PLPP1: variants seen among roughly 807,000 people sequenced by gnomAD.
PLPP1 encodes phospholipid phosphatase 1, also known as lipid phosphate phosphohydrolase 1a.
Under a neutral mutation model 31.2 loss-of-function variants are expected in PLPP1, and 24 were observed. That is an observed-to-expected ratio of 0.77 (90% confidence interval 0.56 to 1.08). The LOEUF (loss-of-function observed/expected upper bound fraction) is 1.08. Ranked by LOEUF, PLPP1 falls within the 50% of genes least tolerant of loss-of-function variation. The pLI is 0.00. For missense variants in PLPP1, 319 were observed against 342.7 expected, an observed-to-expected ratio of 0.93 and a Z score of 0.55; for synonymous variants, 146 against 126.3, an observed-to-expected ratio of 1.16 and a Z score of -1.05.
intron 1 of PLPP1, among the ~76,000 whole-genome samples, chr5:55,531,299 G>A (rs1025776801): frequency 1.3e-5 from 2 of 152,202 alleles, no homozygotes; most frequent in African/African-American, 2.4e-5. Flanking sequence ...CGTGTATATA[G>A]AGGAAGTCGT....
intron 1 of PLPP1, among the ~76,000 whole-genome samples, chr5:55,480,042 A>G (rs1370299059): frequency 6.6e-6 from 1 of 152,210 alleles, no homozygotes; most frequent in Non-Finnish European, 1.5e-5. Context: ...ACAGTGTACA[A>G]AAGTGTGGAG....
At chr5:55,431,430 A>G (rs1184968266) in intron 4 of PLPP1, among the ~76,000 whole-genome samples, 4 of 152,216 alleles carry the variant, frequency 2.6e-5, no homozygotes, top group Non-Finnish European at 1.5e-5. Context: ...CAGCCAAACT[A>G]TTCTCAGATC....
chr5:55,471,230 C>G (rs1752407428), intron 2 of PLPP1, among the ~76,000 whole-genome samples: 1 of 142,354 alleles, frequency 7.0e-6, no homozygotes, highest in Admixed American at 7.2e-5. Flanking sequence ...GAGACGGAGT[C>G]TTGCTCTGTC....
intron 1 of PLPP1, among the ~76,000 whole-genome samples, chr5:55,496,595 T>C (rs190987980): frequency 1.1e-4 from 16 of 152,358 alleles, no homozygotes; most frequent in African/African-American, 3.1e-4. Context: ...GAATACTTGT[T>C]TCATTTAATC....
intron 1 of PLPP1, among the ~76,000 whole-genome samples, chr5:55,514,065 G>A (rs1753501642): frequency 6.6e-6 from 1 of 152,018 alleles, no homozygotes; most frequent in Non-Finnish European, 1.5e-5. Flanking sequence ...AAAAAAATTC[G>A]AAAATCAAAA....
At chr5:55,523,484 G>T (rs1753717403) in intron 1 of PLPP1, among the ~76,000 whole-genome samples, 1 of 152,064 alleles carries the variant, frequency 6.6e-6, no homozygotes, top group African/African-American at 2.4e-5. Context: ...TAGCCAGGTT[G>T]CCTTGGGTGA....
chr5:55,485,935 C>T (rs1752767174), intron 1 of PLPP1, among the ~76,000 whole-genome samples: 1 of 152,098 alleles, frequency 6.6e-6, no homozygotes, highest in Non-Finnish European at 1.5e-5. Context: ...CCAACTAATT[C>T]TCTATATGAA....
At chr5:55,470,050 T>C (rs142566003) in intron 2 of PLPP1, among the ~76,000 whole-genome samples, 110 of 152,342 alleles carry the variant, frequency 7.2e-4, no homozygotes, top group African/African-American at 2.6e-3. Flanking sequence ...TTAGTCAGAT[T>C]CTTTTCTGAG....
At chr5:55,530,672 G>C in intron 1 of PLPP1, 1 of 1,599,276 alleles carries the variant, frequency 6.3e-7, no homozygotes, top group Non-Finnish European at 8.6e-7. Context: ...TATTTTCAAG[G>C]TCTAAGGCCC....
At chr5:55,524,103 C>G (rs1753730502) in intron 1 of PLPP1, among the ~76,000 whole-genome samples, 1 of 152,140 alleles carries the variant, frequency 6.6e-6, no homozygotes, top group South Asian at 2.1e-4. Flanking sequence ...ACATTGTGCT[C>G]ACACAATTTT....
chr5:55,453,398 A>C (rs527986927), intron 3 of PLPP1, among the ~76,000 whole-genome samples: 94 of 152,308 alleles, frequency 6.2e-4, no homozygotes, highest in African/African-American at 2.1e-3. Context: ...GAGGAGCATT[A>C]GGAAGTCCAG....
At chr5:55,475,758 G>T (rs138130140) in intron 1 of PLPP1, among the ~76,000 whole-genome samples, 1 of 152,092 alleles carries the variant, frequency 6.6e-6, no homozygotes, top group South Asian at 2.1e-4. Flanking sequence ...CTCTTCTCAC[G>T]TTCTTGTTGT....
At chr5:55,427,257 A>ATTTT (rs1221444870) in intron 4 of PLPP1, among the ~76,000 whole-genome samples, 2 of 152,250 alleles carry the variant, frequency 1.3e-5, no homozygotes, top group Admixed American at 1.3e-4. Context: ...TATTTAAAAT[A>ATTTT]GATGACACAA....
At chr5:55,519,759 A>G (rs1753625043) in intron 1 of PLPP1, among the ~76,000 whole-genome samples, 2 of 151,854 alleles carry the variant, frequency 1.3e-5, no homozygotes, top group Non-Finnish European at 2.9e-5. Context: ...AAAAAAAAAA[A>G]AGAAAAAGAA....
intron 3 of PLPP1, among the ~76,000 whole-genome samples, chr5:55,443,192 A>AAAAAAAAAAATATAT: frequency 3.9e-5 from 1 of 25,442 alleles, no homozygotes; most frequent in African/African-American, 1.1e-4. Context: ...AAAAAAAAAA[A>AAAAAAAAAAATATAT]ATATATATAT....
At chr5:55,501,471 TG>T (rs11303301) in intron 1 of PLPP1, among the ~76,000 whole-genome samples, 119,432 of 152,040 alleles carry the variant, frequency 0.79, 47,840 homozygotes, top group Middle Eastern at 0.88. Context: ...AGATCTATGA[TG>T]ATTTCCTTAA....
intron 3 of PLPP1, among the ~76,000 whole-genome samples, chr5:55,457,540 C>T (rs1439456906): frequency 2.6e-5 from 4 of 152,082 alleles, no homozygotes; most frequent in Non-Finnish European, 5.9e-5. Flanking sequence ...AGAAATATCA[C>T]AAGAAAATTC....
chr5:55,475,406 G>A lies in PLPP1; in HGVS notation c.103C>T (p.Gln35Ter). The change falls in exon 2 of 6, where the codon CAA (glutamine) becomes TAA (stop). Residue 35 changes from glutamine to a stop codon, truncating the protein, a stop_gained. Transcript: ENST00000307259. LOFTEE classifies it high-confidence loss of function. ...TCATCATTACAGAATACTCCTCGTTGGAAGGGGGTATGCCTTGAAGTAAGA... is the reference window on the plus strand; with the variant it reads ...TCATCATTACAGAATACTCCTCGTTAGAAGGGGGTATGCCTTGAAGTAAGA... ...AILTSRHTPFQRGVFCNDESI... is the reference protein window; with the variant it reads ...AILTSRHTPF 6.2e-7 allele frequency: 1 copy of A among 1,612,518 alleles called. No individual in the cohort carries two copies. Among genetic ancestry groups the A allele is most frequent in the Non-Finnish European group, 8.5e-7 (1 of 1,179,174 alleles).
chr5:55,509,519 G>A (rs1248019534), intron 1 of PLPP1, among the ~76,000 whole-genome samples: 1 of 151,946 alleles, frequency 6.6e-6, no homozygotes, highest in South Asian at 2.1e-4. Context: ...AGGATAAAAG[G>A]GAGAAAAAGC....
Sources: gnomAD v4.1 joint callset for allele counts (sites outside exome capture counted in the v4.1 genomes callset) on GRCh38, gnomAD v4.1.1 for gene constraint, MANE v1.5 for transcripts, NCBI Gene and HGNC (gene_info 2026-07-23, HGNC 2026-07-21) for gene names.